Variants in ADGRL1 observed in about 807,000 individuals in gnomAD.
ADGRL1 encodes the protein CIRL-1.
A neutral mutation model predicts 148.9 loss-of-function variants in ADGRL1; 31 were observed. That is an observed-to-expected ratio of 0.21 (90% CI 0.16 to 0.28). The LOEUF is 0.28. Ranked by LOEUF, ADGRL1 falls within the 10% of genes least tolerant of loss-of-function variation. The pLI, the probability that ADGRL1 is intolerant of heterozygous loss-of-function variation, is 1.00. For synonymous variants in ADGRL1, 937 were observed against 900.3 expected (o/e 1.04, Z -0.73); for missense variants, 1,521 against 2,058.8 (o/e 0.74, Z 5.05).
At chr19:14,168,264 C>T (rs894089112) in intron 4 of ADGRL1, among the ~76,000 whole-genome samples, 3 of 152,204 alleles carry the variant, frequency 2.0e-5, no homozygotes, top group Non-Finnish European at 4.4e-5. Flanking sequence ...TCACCCAGGG[C>T]CTGGCACTCA....
rs1568565322 is a variant in ADGRL1, at chr19:14,152,666, GTCTT to G, written c.3424-57_3424-54del. ...ATCCTTGGGCCACCCACCCTCTGGCGTCTTTCTGAGACTGCTCACCTGATCATCA... is the reference window on the plus strand; with the variant it reads ...ATCCTTGGGCCACCCACCCTCTGGCGTCTGAGACTGCTCACCTGATCATCA... On this transcript the variant is annotated intron_variant, in intron 19 of 22. Coordinates refer to ENST00000361434, the MANE Select transcript of ADGRL1 (RefSeq NM_014921.5). The surrounding 1 kb of genome is among the most constrained non-coding windows in gnomAD (Gnocchi z 6.1). The G allele has an allele frequency of 2.2e-5, 35 of 1,601,680 alleles. No individual in the cohort carries two copies. In the East Asian group the frequency reaches 7.4e-4, roughly 34 times the overall value.
Position 14,162,741 on chromosome 19 carries a change from T to G in ADGRL1, c.1060A>C (p.Ser354Arg). ...TGGTAGGGGTTGGGGAAGGTGAGGC[T>G]GACAGGCTCCTCGCGGTTGGCATTG... ...NTNANREEPV[S>R]LTFPNPYQFI... Residue 354 changes from serine to arginine, a missense_variant, in exon 5 of 23, where the codon AGC (serine) becomes CGC (arginine). Ser to Arg is a moderately radical substitution (Grantham distance 110). Around this residue, in one of 8 missense-constraint regions of ADGRL1, gnomAD observed 270 missense variants for 320.4 expected, o/e 0.84. Transcript: ENST00000361434. The surrounding 1 kb of genome is among the most constrained non-coding windows in gnomAD (Gnocchi z 5.4). 1 of 1,614,216 alleles carries G rather than the reference T, an allele frequency of 6.2e-7. No individual in the cohort carries two copies. The highest frequency in any genetic ancestry group is 8.5e-7 in the Non-Finnish European group (1 of 1,180,038).
At chr19:14,182,105 C>A (rs1971239317) in intron 2 of ADGRL1, among the ~76,000 whole-genome samples, 1 of 152,232 alleles carries the variant, frequency 6.6e-6, no homozygotes, top group South Asian at 2.1e-4. Flanking sequence ...GCAGCCTCAT[C>A]CAAGTCACTG....
intron 1 of ADGRL1, among the ~76,000 whole-genome samples, chr19:14,185,898 G>C (rs1044942314): frequency 7.2e-5 from 11 of 152,178 alleles, no homozygotes; most frequent in Admixed American, 6.6e-4. Context: ...TGCACCTGTT[G>C]CTTCCTCCAC....
rs1239319405 is a variant in ADGRL1, at chr19:14,160,237, A to C, written c.1675T>G (p.Ser559Ala). The C allele has an allele frequency of 1.1e-5, 17 of 1,598,916 alleles. No homozygotes were observed. The Admixed American group carries it at 2.8e-4, about 27-fold the overall frequency. Residue 559 changes from serine to alanine, a missense_variant, in exon 8 of 23, where the codon TCC (serine) becomes GCC (alanine). Around this residue, in one of 8 missense-constraint regions of ADGRL1, gnomAD observed 270 missense variants for 320.4 expected, o/e 0.84. Coordinates refer to ENST00000361434, the MANE Select transcript of ADGRL1 (RefSeq NM_014921.5). The surrounding 1 kb of genome is among the most constrained non-coding windows in gnomAD (Gnocchi z 5.9). ...ASELARHTRG[S>A]IYAGDVSSSV... ...GAGGAGACGTCCCCCGCGTAGATGG[A>C]GCCCCGGGTGTGTCGGGCCAGCTCG...
chr19:14,183,216 A>C (rs971638118), intron 2 of ADGRL1, among the ~76,000 whole-genome samples: 2 of 150,446 alleles, frequency 1.3e-5, no homozygotes, highest in East Asian at 1.9e-4. Context: ...AGAGAGAGAG[A>C]GCGAGAGAGA....
In ADGRL1 at chr19:14,177,617, C is replaced by T. The variant is rs375871774; in HGVS notation, c.198G>A (p.Thr66=). ...IMVENANYGR[T]DDKICDADPF... is the part of the protein sequence containing the mutation. Reference sequence around the variant, plus strand: ...GGTCAGCATCGCAAATCTTGTCGTCCGTGCGCCCGTAGTTGGCATTCTCCA... The same window carrying T: ...GGTCAGCATCGCAAATCTTGTCGTCTGTGCGCCCGTAGTTGGCATTCTCCA... Residue 66 remains threonine, a synonymous_variant, in exon 3 of 23, where the codon ACG becomes ACA. Coordinates refer to ENST00000361434, the MANE Select transcript of ADGRL1 (RefSeq NM_014921.5). 147 of 1,614,110 alleles carry T rather than the reference C, an allele frequency of 9.1e-5. No individual in the cohort carries two copies. Among genetic ancestry groups the T allele is most frequent in the Non-Finnish European group, 1.2e-4 (141 of 1,180,056 alleles).
intron 1 of ADGRL1, among the ~76,000 whole-genome samples, chr19:14,200,101 C>G (rs917053709): frequency 6.6e-6 from 1 of 152,184 alleles, no homozygotes; most frequent in African/African-American, 2.4e-5. Context: ...TTCAGCAAAC[C>G]CCTGTGAATT....
In ADGRL1 at chr19:14,152,229, C is replaced by CACAGA. The variant is rs1968275864; in HGVS notation, c.3649+75_3649+79dup. 1 of 1,613,842 alleles carries CACAGA rather than the reference C, an allele frequency of 6.2e-7. No individual in the cohort carries two copies. The stretch of plus-strand genomic sequence containing the variant: ...GCAAGTCCAGGCTCCAGTTCTGGGG[C>CACAGA]ACAGAACATCCCATGCAGAGGTCCC... On this transcript the variant is annotated intron_variant, in intron 21 of 22. Transcript: ENST00000361434. The surrounding 1 kb of genome is among the most constrained non-coding windows in gnomAD (Gnocchi z 6.1).
chr19:14,184,613 T>G (rs1971446312), intron 1 of ADGRL1, among the ~76,000 whole-genome samples: 1 of 118,108 alleles, frequency 8.5e-6, no homozygotes, highest in Admixed American at 8.3e-5. Context: ...TTATTTTATT[T>G]ATTTATTTAT....
Position 14,157,848 on chromosome 19 carries a change from C to T in ADGRL1, c.2535+34G>A, listed in dbSNP as rs375090733. 1 of 1,609,414 alleles carries T rather than the reference C, an allele frequency of 6.2e-7. No individual in the cohort carries two copies. Among genetic ancestry groups the T allele is most frequent in the African/African-American group, 1.3e-5 (1 of 74,836 alleles). On this transcript the variant is annotated intron_variant, in intron 13 of 22. Transcript: ENST00000361434. The surrounding 1 kb of genome is among the most constrained non-coding windows in gnomAD (Gnocchi z 7.5). ...ATGCAAAGCCAGGCCAGCAATCGGG[C>T]CTGCCTGGAGGAGCAGAGCACCAGC...
At chr19:14,197,075 C>A (rs1972306672) in intron 1 of ADGRL1, among the ~76,000 whole-genome samples, 1 of 152,064 alleles carries the variant, frequency 6.6e-6, no homozygotes, top group South Asian at 2.1e-4. Flanking sequence ...GAGTTTGAGA[C>A]CAGCCTGGGC....
chr19:14,163,497 A>AGAGAGAGAGAGAGAGAGAGG (rs1168521164), intron 4 of ADGRL1, 91 bp from the exon 5 acceptor site: 1 of 717,098 alleles, frequency 1.4e-6, no homozygotes, highest in African/African-American at 2.1e-5. Flanking sequence ...AGAGAGAGAG[A>AGAGAGAGAGAGAGAGAGAGG]GGGGGGAGAG....
chr19:14,172,148 G>A (rs969007201), intron 3 of ADGRL1, among the ~76,000 whole-genome samples: 1 of 152,224 alleles, frequency 6.6e-6, no homozygotes, highest in South Asian at 2.1e-4. Context: ...CTGGCTGGGC[G>A]TGGTGGCTCA....
At chr19:14,181,996 T>C (rs1475712208) in intron 2 of ADGRL1, among the ~76,000 whole-genome samples, 1 of 152,160 alleles carries the variant, frequency 6.6e-6, no homozygotes, top group Non-Finnish European at 1.5e-5. Flanking sequence ...CGTTGCCCCA[T>C]GTTGGTCATC....
At chr19:14,180,213 A>G (rs1971094463) in intron 2 of ADGRL1, among the ~76,000 whole-genome samples, 2 of 152,108 alleles carry the variant, frequency 1.3e-5, no homozygotes, top group Admixed American at 6.5e-5. Flanking sequence ...AACTCCATGC[A>G]TGGAACTTTC....
intron 2 of ADGRL1, among the ~76,000 whole-genome samples, chr19:14,180,835 T>C (rs974165034): frequency 6.6e-6 from 1 of 152,066 alleles, no homozygotes; most frequent in African/African-American, 2.4e-5. Context: ...ATTACAGGAG[T>C]GAGCCAGTGC....
At position 14,163,081 on chromosome 19, in the gene ADGRL1, C is replaced by A; in HGVS notation, c.720G>T (p.Gly240=). 1 of 1,614,128 alleles carries A rather than the reference C, an allele frequency of 6.2e-7. No individual in the cohort carries two copies. The highest frequency in any genetic ancestry group is 1.1e-5 in the South Asian group (1 of 91,088). Reference sequence around the variant, plus strand: ...AGTTGGCGGTATTGATGACCGTCTCCCCGCTCTTGATGCGCGTCCGTAGGT... The same window carrying A: ...AGTTGGCGGTATTGATGACCGTCTCACCGCTCTTGATGCGCGTCCGTAGGT... ...KYDLRTRIKS[G]ETVINTANYH... The change falls in exon 5 of 23, where the codon GGG becomes GGT. Residue 240 remains glycine, a synonymous_variant. Transcript: ENST00000361434.
chr19:14,194,412 G>C (rs1972130026), intron 1 of ADGRL1, among the ~76,000 whole-genome samples: 1 of 152,216 alleles, frequency 6.6e-6, no homozygotes, highest in South Asian at 2.1e-4. Flanking sequence ...GACAGGGTGA[G>C]CATCTAGCTG....
Sources: allele counts gnomAD v4.1 joint callset (sites outside exome capture counted in the v4.1 genomes callset), GRCh38; gene constraint gnomAD v4.1.1; regional missense constraint gnomAD v4.1.1; non-coding constraint Gnocchi (gnomAD v3.1); transcripts MANE v1.5; gene names NCBI Gene and HGNC (gene_info 2026-07-23, HGNC 2026-07-21).